GPC3: variants seen among roughly 807,000 people sequenced by gnomAD.
GPC3 encodes the protein glypican-3.
In GPC3, 3 loss-of-function variants were observed where a neutral mutation model predicts 34.4. The observed-to-expected ratio is 0.09, with a 90% CI of 0.04 to 0.23. The LOEUF (loss-of-function observed/expected upper bound fraction) is 0.23, where lower values mean the gene tolerates loss of function less well. Ranked by LOEUF, GPC3 falls within the 10% of genes least tolerant of loss-of-function variation. The probability of loss-of-function intolerance (pLI) is 1.00; values close to 1 mark genes in which losing one functional copy is unlikely to be tolerated. For missense variants in GPC3, 351 were observed against 445.6 expected (o/e 0.79, Z 1.91); for synonymous variants, 177 against 174.0 (o/e 1.02, Z -0.13).
chrX:133,564,785 G>A (rs2069568668), intron 7 of GPC3, among the ~76,000 whole-genome samples: 1 of 111,792 alleles, frequency 8.9e-6, no homozygotes, highest in Non-Finnish European at 1.9e-5. Flanking sequence ...GAAAATTCCT[G>A]ACCTCCATCG....
intron 2 of GPC3, among the ~76,000 whole-genome samples, chrX:133,909,565 G>A (rs961344398): frequency 2.7e-5 from 3 of 111,252 alleles, no homozygotes; most frequent in Non-Finnish European, 5.7e-5. Context: ...TATTTCAGAA[G>A]TAAATTTTAA....
At chrX:133,659,106 A>G (rs2070694665) in intron 6 of GPC3, among the ~76,000 whole-genome samples, 1 of 112,412 alleles carries the variant, frequency 8.9e-6, no homozygotes, top group Non-Finnish European at 1.9e-5. Flanking sequence ...ATGTGTACAT[A>G]TTATATATAT....
At chrX:133,617,400 G>A (rs766980192) in intron 6 of GPC3, among the ~76,000 whole-genome samples, 1 of 112,562 alleles carries the variant, frequency 8.9e-6, no homozygotes, top group Non-Finnish European at 1.9e-5. Context: ...TTTAATGGCT[G>A]TGTGCCCTTG....
At chrX:133,672,330 T>C (rs1196672176) in intron 5 of GPC3, among the ~76,000 whole-genome samples, 1 of 111,580 alleles carries the variant, frequency 9.0e-6, no homozygotes, top group Non-Finnish European at 1.9e-5. Context: ...GAGCCCAAAG[T>C]GTAAGCAAGC....
At chrX:133,584,422 C>T (rs1159650502) in intron 7 of GPC3, among the ~76,000 whole-genome samples, 2 of 111,878 alleles carry the variant, frequency 1.8e-5, no homozygotes, top group Non-Finnish European at 3.8e-5. Flanking sequence ...AGATTTCCTC[C>T]TGCTCTAACC....
At chrX:133,632,094 A>T (rs1056010345) in intron 6 of GPC3, among the ~76,000 whole-genome samples, 2 of 110,211 alleles carry the variant, frequency 1.8e-5, no homozygotes, top group East Asian at 5.6e-4. Context: ...TTACCACTTT[A>T]AAAATTTTTT....
chrX:133,603,158 A>AG (rs1219701397), intron 6 of GPC3, among the ~76,000 whole-genome samples: 50 of 109,614 alleles, frequency 4.6e-4, no homozygotes, highest in African/African-American at 1.6e-3. Context: ...AAAAAAAAAA[A>AG]AAGACACGCT....
chrX:133,812,118 T>C (rs2075668990), intron 2 of GPC3, among the ~76,000 whole-genome samples: 1 of 112,067 alleles, frequency 8.9e-6, no homozygotes, highest in Non-Finnish European at 1.9e-5. Flanking sequence ...ATTCATGTTA[T>C]TTGGACAAAA....
chrX:133,786,509 C>T (rs901340786), intron 2 of GPC3, among the ~76,000 whole-genome samples: 2 of 112,810 alleles, frequency 1.8e-5, no homozygotes, highest in Non-Finnish European at 3.7e-5. Flanking sequence ...CTCCGACCTG[C>T]CCCACAAGTG....
chrX:133,829,764 C>G (rs908543916), intron 2 of GPC3, among the ~76,000 whole-genome samples: 2 of 111,475 alleles, frequency 1.8e-5, no homozygotes, highest in Non-Finnish European at 3.8e-5. Flanking sequence ...ATATTAAAAT[C>G]AGACAAAGTA....
At chrX:133,669,029 C>T (rs140650742) in intron 5 of GPC3, among the ~76,000 whole-genome samples, 84 of 111,628 alleles carry the variant, frequency 7.5e-4, no homozygotes, top group African/African-American at 2.7e-3. Context: ...TTGGACTTGC[C>T]CTTTAAGAGC....
chrX:133,940,254 C>T (rs149297457), intron 2 of GPC3, among the ~76,000 whole-genome samples: 4 of 110,867 alleles, frequency 3.6e-5, no homozygotes, highest in East Asian at 5.8e-4. Flanking sequence ...TTTATTTCTC[C>T]ATTACTGTAC....
intron 2 of GPC3, among the ~76,000 whole-genome samples, chrX:133,887,429 G>C (rs1430639199): frequency 4.5e-5 from 5 of 112,141 alleles, no homozygotes; most frequent in Non-Finnish European, 9.4e-5. Flanking sequence ...TAGTGATGTT[G>C]AGCATTTTTT....
chrX:133,711,392 C>T (rs1248089858), intron 3 of GPC3, among the ~76,000 whole-genome samples: 1 of 111,819 alleles, frequency 8.9e-6, no homozygotes, highest in Non-Finnish European at 1.9e-5. Context: ...AGCATCAATA[C>T]CATCTGGGCA....
At chrX:133,867,062 G>A (rs1312966071) in intron 2 of GPC3, among the ~76,000 whole-genome samples, 1 of 110,555 alleles carries the variant, frequency 9.0e-6, no homozygotes, top group Non-Finnish European at 1.9e-5. Flanking sequence ...GCTGGGCATG[G>A]TGGTGCACGC....
intron 2 of GPC3, among the ~76,000 whole-genome samples, chrX:133,871,039 G>A (rs898565653): frequency 9.0e-6 from 1 of 111,601 alleles, no homozygotes; most frequent in Non-Finnish European, 1.9e-5. Flanking sequence ...ATTATGATGA[G>A]TTATGTGGAT....
chrX:133,601,001 C>T lies in GPC3; in HGVS notation c.1414-4402G>A, dbSNP rs1314472603. Among the ~76,000 whole-genome samples the T allele has an allele frequency of 3.6e-5, 4 of 111,653 alleles. No homozygotes were observed. The Admixed American group carries it at 3.8e-4, about 11-fold the overall frequency. On this transcript the variant is annotated intron_variant, in intron 6 of 7. Coordinates refer to ENST00000370818, the MANE Select transcript of GPC3 (RefSeq NM_004484.4). ...AAAACCTACGTCTGAGTATTTCATT[C>T]CACTATCCCCATAGACATTCTGTTA...
chrX:133,920,897 T>G (rs1603272843), intron 2 of GPC3, among the ~76,000 whole-genome samples: 3 of 112,276 alleles, frequency 2.7e-5, no homozygotes, highest in Non-Finnish European at 3.8e-5. Flanking sequence ...AAAATAAACA[T>G]GGGTATAACA....
chrX:133,605,130 T>C (rs995506341), intron 6 of GPC3, among the ~76,000 whole-genome samples: 5 of 107,853 alleles, frequency 4.6e-5, no homozygotes, highest in African/African-American at 1.7e-4. Flanking sequence ...AGAACCCAAA[T>C]GTATAGGCCT....
Sources: gnomAD v4.1 joint callset for allele counts (sites outside exome capture counted in the v4.1 genomes callset) on GRCh38, gnomAD v4.1.1 for gene constraint, MANE v1.5 for transcripts, NCBI Gene and HGNC (gene_info 2026-07-23, HGNC 2026-07-21) for gene names.